REDIC1: variants seen among roughly 807,000 people sequenced by gnomAD.
REDIC1 encodes regulator of DNA class I crossover intermediates 1, also known as HEI10 Interacting Protein 1.
the REDIC1 span, among the ~76,000 whole-genome samples, chr12:39,673,850 T>C: frequency 6.6e-6 from 1 of 152,210 alleles, no homozygotes; most frequent in African/African-American, 2.4e-5. Context: ...CATTGTCTTT[T>C]ATTTGTCTAT....
the REDIC1 span, among the ~76,000 whole-genome samples, chr12:39,874,396 C>G: frequency 0.02 from 3,099 of 152,138 alleles, 47 homozygotes; most frequent in Admixed American, 0.031. Flanking sequence ...GGTGGATCAC[C>G]TGAGGACAGG....
At chr12:39,799,857 G>T in the REDIC1 span, among the ~76,000 whole-genome samples, 1 of 152,200 alleles carries the variant, frequency 6.6e-6, no homozygotes, top group Non-Finnish European at 1.5e-5. Context: ...AAGAAACTTG[G>T]TAGAACTTTC....
chr12:39,867,800 T>C, the REDIC1 span, among the ~76,000 whole-genome samples: 20 of 152,318 alleles, frequency 1.3e-4, no homozygotes, highest in African/African-American at 4.3e-4. Context: ...TGCCTGGATG[T>C]ACCCCAACCT....
the REDIC1 span, among the ~76,000 whole-genome samples, chr12:39,699,698 A>G: frequency 6.6e-6 from 1 of 152,210 alleles, no homozygotes; most frequent in Non-Finnish European, 1.5e-5. Flanking sequence ...TCCCTGTCTG[A>G]CAGCTTTGAA....
the REDIC1 span, among the ~76,000 whole-genome samples, chr12:39,889,484 G>A: frequency 4.7e-5 from 7 of 150,384 alleles, no homozygotes; most frequent in Non-Finnish European, 1.0e-4. Flanking sequence ...CTATTATACA[G>A]AGAAAGTGAG....
At chr12:39,797,270 C>T in the REDIC1 span, among the ~76,000 whole-genome samples, 1 of 152,186 alleles carries the variant, frequency 6.6e-6, no homozygotes, top group African/African-American at 2.4e-5. Context: ...ATTATGTTTG[C>T]AATGTAATTA....
At chr12:39,689,473 G>A in the REDIC1 span, among the ~76,000 whole-genome samples, 1 of 152,206 alleles carries the variant, frequency 6.6e-6, no homozygotes, top group African/African-American at 2.4e-5. Context: ...ATGTGGAGAT[G>A]TATAGTAGGC....
chr12:39,799,024 C>T, the REDIC1 span, among the ~76,000 whole-genome samples: 2 of 150,578 alleles, frequency 1.3e-5, 1 homozygote, highest in South Asian at 4.2e-4. Context: ...CCCATTATCC[C>T]CACTTCAGAT....
chr12:39,760,114 T>A, the REDIC1 span: 2 of 1,612,996 alleles, frequency 1.2e-6, no homozygotes, highest in South Asian at 2.2e-5. Context: ...TTCATCAGAA[T>A]CTGAAGTGCC....
At chr12:39,670,554 T>G in the REDIC1 span, among the ~76,000 whole-genome samples, 1 of 152,184 alleles carries the variant, frequency 6.6e-6, no homozygotes. Flanking sequence ...TGGGTTGTAT[T>G]TCTTTTGGGA....
chr12:39,901,257 A>T, the REDIC1 span, among the ~76,000 whole-genome samples: 77 of 152,326 alleles, frequency 5.1e-4, no homozygotes, highest in African/African-American at 1.7e-3. Context: ...AACCTAGGCA[A>T]TACCATTCAG....
the REDIC1 span, among the ~76,000 whole-genome samples, chr12:39,813,983 G>T: frequency 6.6e-6 from 1 of 152,162 alleles, no homozygotes; most frequent in Non-Finnish European, 1.5e-5. Flanking sequence ...TTTCCAGTAT[G>T]AGTGATTTCG....
chr12:39,867,594 A>C, the REDIC1 span, among the ~76,000 whole-genome samples: 1 of 152,226 alleles, frequency 6.6e-6, no homozygotes, highest in Non-Finnish European at 1.5e-5. Context: ...TTAAGGTCCA[A>C]CCAACCTAAA....
the REDIC1 span, among the ~76,000 whole-genome samples, chr12:39,647,614 C>T: frequency 6.6e-6 from 1 of 152,044 alleles, no homozygotes; most frequent in Non-Finnish European, 1.5e-5. Flanking sequence ...ATAGCCTTCA[C>T]TGGTAACCAC....
the REDIC1 span, among the ~76,000 whole-genome samples, chr12:39,629,726 TCA>T: frequency 2.0e-5 from 3 of 152,214 alleles, no homozygotes; most frequent in Non-Finnish European, 4.4e-5. Flanking sequence ...ACAGTGCATT[TCA>T]AACCAGGGTC....
chr12:39,708,551 T>C, the REDIC1 span, among the ~76,000 whole-genome samples: 2 of 151,870 alleles, frequency 1.3e-5, no homozygotes, highest in Admixed American at 6.6e-5. Flanking sequence ...ACTAATATGC[T>C]TTTTAAAATT....
chr12:39,762,311 AG>A, the REDIC1 span, among the ~76,000 whole-genome samples: 2 of 149,934 alleles, frequency 1.3e-5, no homozygotes, highest in Non-Finnish European at 3.0e-5. Context: ...ACTATTGAAC[AG>A]TTAGATATTC....
chr12:39,795,498 C>T, the REDIC1 span, among the ~76,000 whole-genome samples: 797 of 152,244 alleles, frequency 5.2e-3, 4 homozygotes, highest in Non-Finnish European at 7.8e-3. Flanking sequence ...GCAGGTCCAG[C>T]TGATGACTGG....
chr12:39,905,665 T>C, the REDIC1 span, among the ~76,000 whole-genome samples: 1 of 152,250 alleles, frequency 6.6e-6, no homozygotes, highest in East Asian at 1.9e-4. Flanking sequence ...AGACATCTTA[T>C]GTCTATAAAC....
Sources: gnomAD v4.1 joint callset for allele counts (sites outside exome capture counted in the v4.1 genomes callset) on GRCh38, gnomAD v4.1.1 for gene constraint, MANE v1.5 for transcripts, NCBI Gene and HGNC (gene_info 2026-07-23, HGNC 2026-07-21) for gene names.